POLR1D: variants seen among roughly 807,000 people sequenced by gnomAD.
POLR1D encodes the protein DNA-directed RNA polymerases I and III subunit RPAC2.
POLR1D carries 8 observed loss-of-function variants against 10.8 expected under a neutral mutation model. That is an observed-to-expected ratio of 0.74 (90% CI 0.43 to 1.33). The LOEUF (loss-of-function observed/expected upper bound fraction) is 1.33, where lower values mean the gene tolerates loss of function less well. Among genes scored for constraint, POLR1D ranks in the 40% most tolerant of loss-of-function variants. The probability of loss-of-function intolerance (pLI) is 0.01; values close to 1 mark genes in which losing one functional copy is unlikely to be tolerated. For synonymous variants in POLR1D, 54 were observed against 57.2 expected, an observed-to-expected ratio of 0.94 and a Z score of 0.25; for missense variants, 152 against 161.7, an observed-to-expected ratio of 0.94 and a Z score of 0.32.
At chr13:27,636,082 GT>G (rs1180826208) in intron 1 of POLR1D, among the ~76,000 whole-genome samples, 1 of 152,192 alleles carries the variant, frequency 6.6e-6, no homozygotes, top group African/African-American at 2.4e-5. Context: ...TGAAGCTTGT[GT>G]ATTGCAGATC....
At chr13:27,658,841 G>A (rs1222528272) in intron 2 of POLR1D, among the ~76,000 whole-genome samples, 1 of 152,170 alleles carries the variant, frequency 6.6e-6, no homozygotes, top group Admixed American at 6.5e-5. Flanking sequence ...TGTCTACAAA[G>A]CTGTTTTAAT....
chr13:27,631,527 C>CT (rs1375388099), intron 1 of POLR1D, among the ~76,000 whole-genome samples: 2 of 152,190 alleles, frequency 1.3e-5, no homozygotes, highest in East Asian at 3.8e-4. Context: ...GCTGCTTACC[C>CT]ATCCGCCTTC....
At chr13:27,647,217 C>G (rs1956228856) in intron 1 of POLR1D, among the ~76,000 whole-genome samples, 1 of 152,108 alleles carries the variant, frequency 6.6e-6, no homozygotes. Flanking sequence ...AGTAAAGTCT[C>G]AGAATATGGT....
intron 2 of POLR1D, among the ~76,000 whole-genome samples, chr13:27,653,198 C>T (rs547168125): frequency 3.8e-4 from 58 of 152,170 alleles, no homozygotes; most frequent in Admixed American, 3.3e-3. Flanking sequence ...CCGTGCCCGG[C>T]CTGTATTTAC....
chr13:27,635,192 G>C (rs1450701772), intron 1 of POLR1D, among the ~76,000 whole-genome samples: 1 of 151,884 alleles, frequency 6.6e-6, no homozygotes, highest in Non-Finnish European at 1.5e-5. Context: ...CCCAAATAAA[G>C]GTTTACTGAC....
intron 1 of POLR1D, among the ~76,000 whole-genome samples, chr13:27,644,855 G>A (rs1488504930): frequency 7.9e-5 from 12 of 152,106 alleles, no homozygotes; most frequent in Non-Finnish European, 1.6e-4. Flanking sequence ...GCATGTTAAT[G>A]TTTCATAATC....
At chr13:27,645,147 T>G (rs1458169450) in intron 1 of POLR1D, among the ~76,000 whole-genome samples, 1 of 152,218 alleles carries the variant, frequency 6.6e-6, no homozygotes, top group African/African-American at 2.4e-5. Context: ...ATGCTCAACA[T>G]TCTTAGGACA....
downstream of POLR1D, among the ~76,000 whole-genome samples, chr13:27,627,143 T>C (rs951778656): frequency 1.3e-5 from 2 of 152,194 alleles, no homozygotes; most frequent in African/African-American, 4.8e-5. Flanking sequence ...TCTTAGGAAG[T>C]TTACCCAAAT....
chr13:27,660,880 T>C (rs1310313867), intron 2 of POLR1D: 1 of 152,144 alleles, frequency 6.6e-6, no homozygotes, highest in Non-Finnish European at 1.5e-5. Flanking sequence ...GCTGTGGAGA[T>C]GAAATGAGGC....
intron 1 of POLR1D, among the ~76,000 whole-genome samples, chr13:27,637,682 C>G (rs1956138023): frequency 6.6e-6 from 1 of 152,036 alleles, no homozygotes; most frequent in Non-Finnish European, 1.5e-5. Flanking sequence ...TTTAAAATTA[C>G]CTTGTCCTAC....
At chr13:27,653,150 T>G (rs1356234752) in intron 2 of POLR1D, among the ~76,000 whole-genome samples, 1 of 151,962 alleles carries the variant, frequency 6.6e-6, no homozygotes, top group African/African-American at 2.4e-5. Flanking sequence ...ATCGCCTGCC[T>G]TGGCCTCCCA....
At chr13:27,654,784 T>C (rs1392606118) in intron 2 of POLR1D, among the ~76,000 whole-genome samples, 1 of 152,222 alleles carries the variant, frequency 6.6e-6, no homozygotes, top group Non-Finnish European at 1.5e-5. Flanking sequence ...AACTGGCCAT[T>C]TTTAACTGGA....
chr13:27,651,617 A>G (rs919256936), intron 2 of POLR1D: 3 of 152,160 alleles, frequency 2.0e-5, no homozygotes, highest in Non-Finnish European at 4.4e-5. Context: ...TAAATAATAG[A>G]TATATTATTT....
intron 2 of POLR1D, chr13:27,650,907 A>G (rs537654266): frequency 1.3e-5 from 2 of 152,350 alleles, no homozygotes; most frequent in Admixed American, 6.5e-5. Context: ...ATAAATAGGA[A>G]GAAGTAAGCA....
chr13:27,640,903 C>G (rs528149914), intron 1 of POLR1D, among the ~76,000 whole-genome samples: 1 of 152,170 alleles, frequency 6.6e-6, no homozygotes, highest in Admixed American at 6.5e-5. Context: ...TAAATCATGT[C>G]TAGATTGCCT....
In POLR1D at chr13:27,622,014, C is replaced by A. The variant is rs761964229; in HGVS notation, c.26+5C>A. ...AGAGGATCAGGAGCTGGAGAGGTAACGGCCGAGGAGGAGGCGGGCGGAGCG... is the reference window on the plus strand; with the variant it reads ...AGAGGATCAGGAGCTGGAGAGGTAAAGGCCGAGGAGGAGGCGGGCGGAGCG... On this transcript the variant is annotated splice_donor_5th_base_variant and intron_variant, in intron 1 of 1. Coordinates refer to ENST00000302979, the MANE Select transcript of POLR1D (RefSeq NM_015972.4). The A allele has an allele frequency of 6.3e-7, 1 of 1,587,256 alleles. No individual in the cohort carries two copies. The highest frequency in any genetic ancestry group is 8.6e-7 in the Non-Finnish European group (1 of 1,167,058).
chr13:27,623,398 A>C lies in POLR1D; in HGVS notation c.*148A>C, dbSNP rs1955973822. On this transcript the variant is annotated 3_prime_UTR_variant, in exon 2 of 2. Transcript: ENST00000302979. ...CTGTTGACCCCTTGCAGCTGTTGGA[A>C]TCTCTGCAAGAACCTCTGTATTCTT... The C allele has an allele frequency of 2.7e-5, 40 of 1,482,410 alleles. No homozygotes were observed. The South Asian group carries it at 5.2e-4, about 19-fold the overall frequency. 91.8% of individuals were successfully genotyped at this position (1,482,410 alleles called of 1,614,324 possible).
chr13:27,646,532 G>A (rs545168803), intron 1 of POLR1D, among the ~76,000 whole-genome samples: 2 of 152,326 alleles, frequency 1.3e-5, no homozygotes, highest in South Asian at 4.1e-4. Context: ...CAACATGTCA[G>A]TAGATAGGCA....
chr13:27,660,461 A>G (rs1255331743), intron 2 of POLR1D, among the ~76,000 whole-genome samples: 1 of 152,206 alleles, frequency 6.6e-6, no homozygotes, highest in Non-Finnish European at 1.5e-5. Flanking sequence ...CTATTCCCTA[A>G]CCATAAAAAT....
Sources: allele counts gnomAD v4.1 joint callset (sites outside exome capture counted in the v4.1 genomes callset), GRCh38; gene constraint gnomAD v4.1.1; transcripts MANE v1.5; gene names NCBI Gene and HGNC (gene_info 2026-07-23, HGNC 2026-07-21).